The following TSC22D1 variants were observed in gnomAD, a reference collection of about 807,000 sequenced individuals.
The protein encoded by TSC22D1 is TSC22 domain family protein 1.
Under a neutral mutation model 74.2 loss-of-function variants are expected in TSC22D1, and 9 were observed. The observed-to-expected ratio is 0.12, with a 90% CI of 0.07 to 0.21. TSC22D1 has a LOEUF of 0.21. TSC22D1 is among the 10% of genes least tolerant of loss of function. TSC22D1 has a pLI of 1.00. For synonymous variants in TSC22D1, 586 were observed against 492.5 expected (o/e 1.19, Z -2.51); for missense variants, 1,427 against 1,304.7 (o/e 1.09, Z -1.44).
intron 1 of TSC22D1, among the ~76,000 whole-genome samples, chr13:44,519,890 G>GT (rs1195084967): frequency 2.6e-5 from 4 of 152,162 alleles, no homozygotes; most frequent in Admixed American, 1.3e-4. Flanking sequence ...GGATTATGGT[G>GT]TAAGGACTAC....
At chr13:44,444,304 A>AAAAAG (rs1566114415) in intron 1 of TSC22D1, among the ~76,000 whole-genome samples, 81 of 140,902 alleles carry the variant, frequency 5.7e-4, no homozygotes, top group African/African-American at 1.8e-3. Context: ...AAAAAAAAAA[A>AAAAAG]AAAAGAAAAG....
intron 1 of TSC22D1, among the ~76,000 whole-genome samples, chr13:44,475,338 A>C (rs1263473792): frequency 6.6e-6 from 1 of 152,172 alleles, no homozygotes; most frequent in Admixed American, 6.6e-5. Context: ...GGATGCATCT[A>C]AAGTAGCACT....
intron 1 of TSC22D1, among the ~76,000 whole-genome samples, chr13:44,491,792 G>A (rs995884495): frequency 6.6e-6 from 1 of 152,190 alleles, no homozygotes; most frequent in African/African-American, 2.4e-5. Context: ...AATATCAAAT[G>A]TTAGGAAAAC....
intron 1 of TSC22D1, among the ~76,000 whole-genome samples, chr13:44,465,528 G>A (rs1226365688): frequency 6.6e-6 from 1 of 152,178 alleles, no homozygotes; most frequent in African/African-American, 2.4e-5. Context: ...TGAGTCAGCT[G>A]CCACAGGTGA....
chr13:44,573,603 C>G lies in TSC22D1; in HGVS notation c.2472G>C (p.Leu824Phe). 6.2e-7 allele frequency: 1 copy of G among 1,614,202 alleles called. No homozygotes were observed. The highest frequency in any genetic ancestry group is 8.5e-7 in the Non-Finnish European group (1 of 1,180,046). The part of the protein sequence containing the change: ...VSQQLPAVSS[L>F]PSASSISVTS... ...TAACAGAAATACTACTAGCAGAGGG[C>G]AAAGAACTAACTGCAGGCAACTGCT... is the stretch of plus-strand genomic sequence containing the variant. The change falls in exon 1 of 3, where the codon TTG becomes TTC. Residue 824 changes from leucine (L) to phenylalanine (F), a missense_variant. Physicochemically the swap from Leu to Phe is conservative, Grantham distance 22. Coordinates refer to ENST00000458659, the MANE Select transcript of TSC22D1 (RefSeq NM_183422.4).
At chr13:44,543,699 T>A (rs1034333233) in intron 1 of TSC22D1, among the ~76,000 whole-genome samples, 9 of 152,168 alleles carry the variant, frequency 5.9e-5, no homozygotes, top group African/African-American at 1.9e-4. Flanking sequence ...AAGTTACTGA[T>A]CAAAAAACAA....
At chr13:44,475,551 C>G (rs1877863470) in intron 1 of TSC22D1, among the ~76,000 whole-genome samples, 1 of 148,918 alleles carries the variant, frequency 6.7e-6, no homozygotes, top group Non-Finnish European at 1.5e-5. Context: ...AGAAGATCAA[C>G]AAAACCAAAA....
intron 1 of TSC22D1, among the ~76,000 whole-genome samples, chr13:44,472,661 G>T (rs770640576): frequency 3.9e-5 from 6 of 152,106 alleles, no homozygotes. Flanking sequence ...ACAATTAACC[G>T]GTTGTGGTGG....
chr13:44,567,378 C>T (rs1355591763), intron 1 of TSC22D1, among the ~76,000 whole-genome samples: 2 of 152,094 alleles, frequency 1.3e-5, no homozygotes, highest in Non-Finnish European at 2.9e-5. Context: ...TTCTAATTAG[C>T]ATTTTAATTC....
intron 1 of TSC22D1, among the ~76,000 whole-genome samples, chr13:44,559,502 A>G (rs1334022845): frequency 6.6e-6 from 1 of 152,178 alleles, no homozygotes; most frequent in Non-Finnish European, 1.5e-5. Context: ...AAATTTGTTT[A>G]GAGGACACAA....
intron 1 of TSC22D1, 89 bp downstream of exon 1, chr13:44,573,074 T>A: frequency 6.7e-7 from 1 of 1,485,956 alleles, no homozygotes; most frequent in Non-Finnish European, 8.9e-7. Flanking sequence ...ATATACAATG[T>A]TTTAGAGTCA....
intron 1 of TSC22D1, chr13:44,538,182 A>G: frequency 2.0e-6 from 2 of 985,312 alleles, no homozygotes. Context: ...TGCCTTCAGT[A>G]TGAAAAAAAT....
intron 1 of TSC22D1, among the ~76,000 whole-genome samples, chr13:44,501,725 A>G (rs1284961677): frequency 6.6e-6 from 1 of 152,210 alleles, no homozygotes; most frequent in Non-Finnish European, 1.5e-5. Context: ...AAACTTAAGA[A>G]GCATATTACC....
rs553244742 is a variant in TSC22D1 at position 44,531,086 on chromosome 13, G to C, written c.2912+42077C>G. ...TTTGACAGAACCTATAGAACTGCACGACAGAAAGCATGAACCCCAATGTAA... is the reference window on the plus strand; with the variant it reads ...TTTGACAGAACCTATAGAACTGCACCACAGAAAGCATGAACCCCAATGTAA... On this transcript the variant is annotated intron_variant, in intron 1 of 2. Transcript: ENST00000458659. 2.4e-4 allele frequency among the ~76,000 whole-genome samples: 37 copies of C among 152,196 alleles called. 2 individuals carry two copies. In the South Asian group the frequency reaches 7.5e-3, roughly 31 times the overall value.
intron 1 of TSC22D1, chr13:44,437,270 T>G: frequency 6.1e-6 from 6 of 985,444 alleles, no homozygotes; most frequent in Non-Finnish European, 7.2e-6. Context: ...TCTGAGCTAC[T>G]GGGCATGCCC....
intron 1 of TSC22D1, among the ~76,000 whole-genome samples, chr13:44,523,865 T>G (rs1161993127): frequency 6.6e-6 from 1 of 152,088 alleles, no homozygotes; most frequent in Non-Finnish European, 1.5e-5. Context: ...AAAGCATAAT[T>G]AGATACTCAT....
intron 2 of TSC22D1, 85 bp from the exon 3 acceptor site, chr13:44,434,968 T>A: frequency 8.5e-7 from 1 of 1,171,890 alleles, no homozygotes; most frequent in Non-Finnish European, 1.2e-6. Context: ...TTTACATGGA[T>A]CTCCCTAACT....
Position 44,434,622 on chromosome 13 carries a change from G to A in TSC22D1, c.*4C>T, listed in dbSNP as rs766252862. ...AGCAGCCAGTTCTGCGGGGGCATAG[G>A]CAGCTATGCGGTTGGTCCTGAGCCC... On this transcript the variant is annotated 3_prime_UTR_variant, in exon 3 of 3. Transcript: ENST00000458659. 3 of 1,521,498 alleles carry A rather than the reference G, an allele frequency of 2.0e-6. No homozygotes were observed. The highest frequency in any genetic ancestry group is 2.6e-6 in the Non-Finnish European group (3 of 1,137,802). 94.2% of individuals were successfully genotyped at this position (1,521,498 alleles called of 1,614,324 possible). A position where few individuals can be genotyped will look rare whatever the true frequency, so the allele number is the denominator to read the frequency against.
Position 44,576,030 on chromosome 13 carries a change from TGCAGCGGCGGCG to T in TSC22D1, c.33_44del (p.Ala12_Ala15del), listed in dbSNP as rs1566190447. On this transcript the variant is annotated inframe_deletion, in exon 1 of 3. Transcript: ENST00000458659. ...GCGCCATCTTCCTAGCGCTAATGTC[TGCAGCGGCGGCG>T]GCCGCGGCGGTGGACTCAGGCGGCT... is the stretch of plus-strand genomic sequence containing the variant. 8 of 1,581,788 alleles carry T rather than the reference TGCAGCGGCGGCG, an allele frequency of 5.1e-6. No individual in the cohort carries two copies. Among genetic ancestry groups the T allele is most frequent in the Non-Finnish European group, 6.9e-6 (8 of 1,164,640 alleles).
Sources: gnomAD v4.1 joint callset for allele counts (sites outside exome capture counted in the v4.1 genomes callset) on GRCh38, gnomAD v4.1.1 for gene constraint, MANE v1.5 for transcripts, NCBI Gene and HGNC (gene_info 2026-07-23, HGNC 2026-07-21) for gene names.